The following KBTBD3 variants were observed in gnomAD, a reference collection of about 807,000 sequenced individuals.
KBTBD3 encodes the protein kelch repeat and BTB domain-containing protein 3.
In KBTBD3, 38 loss-of-function variants were observed where a neutral mutation model predicts 49.6. That is an observed-to-expected ratio of 0.77 (90% CI 0.59 to 1.00). The LOEUF (loss-of-function observed/expected upper bound fraction) is 1.00. Ranked by LOEUF, KBTBD3 falls within the 50% of genes least tolerant of loss-of-function variation. KBTBD3 has a pLI of 0.00. For synonymous variants in KBTBD3, 214 were observed against 250.4 expected (o/e 0.85, Z 1.37); for missense variants, 661 against 712.0 (o/e 0.93, Z 0.81).
chr11:106,053,807 C>T lies in KBTBD3; in HGVS notation c.882G>A (p.Glu294=). 1 of 1,613,864 alleles carries T rather than the reference C, an allele frequency of 6.2e-7. No individual in the cohort carries two copies. The highest frequency in any genetic ancestry group is 8.5e-7 in the Non-Finnish European group (1 of 1,179,888). ...LFPDARPSTT[E]KYIFIHKTEE... Reference sequence around the variant, plus strand: ...CAGTTTTGTGAATGAATATGTATTTCTCAGTTGTGGATGGTCGAGCATCAG... The same window carrying T: ...CAGTTTTGTGAATGAATATGTATTTTTCAGTTGTGGATGGTCGAGCATCAG... Residue 294 remains glutamate, a synonymous_variant, in exon 4 of 4, where the codon GAG becomes GAA. Transcript: ENST00000531837.
Position 106,052,953 on chromosome 11 carries a change from C to T in KBTBD3, c.1736G>A (p.Trp579Ter), listed in dbSNP as rs1860451761. The T allele has an allele frequency of 4.3e-6, 7 of 1,613,698 alleles. No individual in the cohort carries two copies. The highest frequency in any genetic ancestry group is 5.9e-6 in the Non-Finnish European group (7 of 1,179,720). The change falls in exon 4 of 4, where the codon TGG becomes TAG. Residue 579 changes from tryptophan (W) to a stop codon, truncating the protein, a stop_gained. Transcript: ENST00000531837. LOFTEE classifies it high-confidence loss of function. ...TCTAGGCATTGGTGAAACTTCTTCC[C>T]ATTCAGACCTGTTGCTGTGGTAGAC... ...VQVYHSNRSE[W>*]EEVSPMPRAL...
intron 2 of KBTBD3, among the ~76,000 whole-genome samples, chr11:106,069,772 T>G (rs1447856619): frequency 6.6e-6 from 1 of 152,026 alleles, no homozygotes; most frequent in Non-Finnish European, 1.5e-5. Flanking sequence ...ACTGTAAAAT[T>G]TATATGTAAT....
Position 106,053,454 on chromosome 11 carries a change from G to A in KBTBD3, c.1235C>T (p.Thr412Ile). The A allele has an allele frequency of 6.2e-7, 1 of 1,613,610 alleles. No individual in the cohort carries two copies. The change falls in exon 4 of 4, where the codon ACT (threonine) becomes ATT (isoleucine). Residue 412 changes from threonine to isoleucine, a missense_variant. Physicochemically the swap from Thr to Ile is moderately conservative, Grantham distance 89. Transcript: ENST00000531837. The stretch of plus-strand genomic sequence containing the variant: ...ACTTTTAATGTCCCGGGATCCTCTA[G>A]TTTTTCCACCTATGACAAATAATCT... Reference protein sequence around the residue: ...LDRLFVIGGKTRGSRDIKSLL... With the variant: ...LDRLFVIGGKIRGSRDIKSLL...
chr11:106,062,503 A>G (rs547337342), intron 2 of KBTBD3, among the ~76,000 whole-genome samples: 2 of 152,348 alleles, frequency 1.3e-5, no homozygotes, highest in African/African-American at 4.8e-5. Context: ...GCTGGCAAGC[A>G]TAAGACCCAA....
At chr11:106,068,436 C>T (rs1164844096) in intron 2 of KBTBD3, among the ~76,000 whole-genome samples, 2 of 152,130 alleles carry the variant, frequency 1.3e-5, no homozygotes, top group African/African-American at 4.8e-5. Context: ...TTAAAACATA[C>T]ATTGAACTGA....
intron 2 of KBTBD3, among the ~76,000 whole-genome samples, chr11:106,068,157 G>T (rs1377719908): frequency 6.6e-6 from 1 of 151,414 alleles, no homozygotes; most frequent in Non-Finnish European, 1.5e-5. Context: ...TATAGCTGGA[G>T]ACTTCAACAC....
rs1290853247 is a variant in KBTBD3, at chr11:106,053,154, T to C, written c.1535A>G (p.Tyr512Cys). ...IKAVPVNCTL[Y>C]ICDLSTYKVY... is the part of the protein sequence containing the mutation. The stretch of plus-strand genomic sequence containing the variant: ...CTTATAGGTGGAAAGGTCACATATA[T>C]ACAGTGTACAGTTTACTGGTACAGC... The change falls in exon 4 of 4, where the codon TAT becomes TGT. Residue 512 changes from tyrosine (Y) to cysteine (C), a missense_variant. Physicochemically the swap from Tyr to Cys is radical, Grantham distance 194. Transcript: ENST00000531837. The C allele has an allele frequency of 6.2e-7, 1 of 1,613,516 alleles. No homozygotes were observed. The highest frequency in any genetic ancestry group is 8.5e-7 in the Non-Finnish European group (1 of 1,179,668).
At chr11:106,065,992 G>C (rs1860804798) in intron 2 of KBTBD3, among the ~76,000 whole-genome samples, 1 of 150,418 alleles carries the variant, frequency 6.6e-6, no homozygotes, top group African/African-American at 2.4e-5. Flanking sequence ...CATCAGGTGG[G>C]GCCTAGAGGA....
At chr11:106,058,190 C>T (rs1860595145) in intron 3 of KBTBD3, 1 of 324,824 alleles carries the variant, frequency 3.1e-6, no homozygotes, top group Non-Finnish European at 5.5e-6. Flanking sequence ...TGAGACCATC[C>T]TGGCTAACAC....
chr11:106,053,470 C>T lies in KBTBD3; in HGVS notation c.1219G>A (p.Val407Ile). The part of the protein sequence containing the change: ...TSVMALDRLF[V>I]IGGKTRGSRD... ...GATCCTCTAGTTTTTCCACCTATGA[C>T]AAATAATCTATCGAGAGCCATAACT... The change falls in exon 4 of 4, where the codon GTC becomes ATC. Residue 407 changes from valine (V) to isoleucine (I), a missense_variant. Coordinates refer to ENST00000531837, the MANE Select transcript of KBTBD3 (RefSeq NM_198439.3). 1 of 1,613,638 alleles carries T rather than the reference C, an allele frequency of 6.2e-7. No homozygotes were observed. The highest frequency in any genetic ancestry group is 1.1e-5 in the South Asian group (1 of 91,052).
chr11:106,059,162 A>C (rs1860628960), intron 2 of KBTBD3, 53 bp from the exon 3 acceptor site: 1 of 1,048,116 alleles, frequency 9.5e-7, no homozygotes, highest in African/African-American at 1.7e-5. Context: ...CAAGTTTCAG[A>C]CTCCAAAATT....
At chr11:106,059,543 T>C (rs1860639367) in intron 2 of KBTBD3, among the ~76,000 whole-genome samples, 1 of 152,204 alleles carries the variant, frequency 6.6e-6, no homozygotes, top group South Asian at 2.1e-4. Context: ...ATGCTGATCT[T>C]GGACCATAGA....
chr11:106,071,264 A>G (rs1281986009), intron 2 of KBTBD3, among the ~76,000 whole-genome samples: 1 of 152,132 alleles, frequency 6.6e-6, no homozygotes, highest in Non-Finnish European at 1.5e-5. Flanking sequence ...ACTAAAGGAG[A>G]TACTTCCAAA....
At chr11:106,074,673 G>C (rs920781978) in intron 2 of KBTBD3, among the ~76,000 whole-genome samples, 2 of 152,208 alleles carry the variant, frequency 1.3e-5, no homozygotes, top group Non-Finnish European at 2.9e-5. Context: ...TTGGAAGAGA[G>C]TGCTCCCCTT....
chr11:106,057,041 C>G (rs375072753), intron 3 of KBTBD3, among the ~76,000 whole-genome samples: 78 of 152,270 alleles, frequency 5.1e-4, no homozygotes, highest in African/African-American at 1.8e-3. Context: ...ATTAGGCAAA[C>G]AGCTAGTTCA....
intron 2 of KBTBD3, among the ~76,000 whole-genome samples, chr11:106,067,391 G>C (rs1860830797): frequency 6.6e-6 from 1 of 152,142 alleles, no homozygotes; most frequent in African/African-American, 2.4e-5. Flanking sequence ...ATTACCTGAG[G>C]TCAGGAGTTC....
chr11:106,054,096 A>G lies in KBTBD3; in HGVS notation c.593T>C (p.Leu198Pro). 6.2e-7 allele frequency: 1 copy of G among 1,613,546 alleles called. No individual in the cohort carries two copies. Among genetic ancestry groups the G allele is most frequent in the Non-Finnish European group, 8.5e-7 (1 of 1,179,784 alleles). The change falls in exon 4 of 4, where the codon CTA becomes CCA. Residue 198 changes from leucine (L) to proline (P), a missense_variant. Physicochemically the swap from Leu to Pro is moderately conservative, Grantham distance 98 (BLOSUM62 -3). Coordinates refer to ENST00000531837, the MANE Select transcript of KBTBD3 (RefSeq NM_198439.3). ...SDFLEMNFGV[L>P]QKCLESDELN... Reference sequence around the variant, plus strand: ...TTCATCTGATTCCAGACATTTCTGTAGTACTCCAAAATTCATCTCTAAGAA... The same window carrying G: ...TTCATCTGATTCCAGACATTTCTGTGGTACTCCAAAATTCATCTCTAAGAA...
rs1225674525 is a variant in KBTBD3, at chr11:106,058,948, G to T, written c.150C>A (p.Val50=). ...SVLQNFREQN[V]FYDFKIIMKD... is the part of the protein sequence containing the mutation. ...TCATAATTATTTTGAAATCATAAAA[G>T]ACATTTTGTTCTCTAAAATTCTGTA... The change falls in exon 3 of 4, where the codon GTC becomes GTA. Residue 50 remains valine (V), a synonymous_variant. Coordinates refer to ENST00000531837, the MANE Select transcript of KBTBD3 (RefSeq NM_198439.3). 6.4e-7 allele frequency: 1 copy of T among 1,570,898 alleles called. No individual in the cohort carries two copies. The highest frequency in any genetic ancestry group is 8.6e-7 in the Non-Finnish European group (1 of 1,166,038).
Position 106,052,872 on chromosome 11 carries a change from C to T in KBTBD3, c.1817G>A (p.Trp606Ter). The change falls in exon 4 of 4, where the codon TGG becomes TAG. Residue 606 changes from tryptophan to a stop codon, truncating the protein, a stop_gained. Coordinates refer to ENST00000531837, the MANE Select transcript of KBTBD3 (RefSeq NM_198439.3). LOFTEE classifies it high-confidence loss of function. ...TGTTCAAGCACATAGATTAGAAAAC[C>T]ATGGGTCTCTGTATTTATTAAACTG... ...VIQFNKYRDP[W>*]FSNLCA is the part of the protein sequence containing the mutation. The T allele has an allele frequency of 6.2e-7, 1 of 1,612,290 alleles. No individual in the cohort carries two copies. Among genetic ancestry groups the T allele is most frequent in the South Asian group, 1.1e-5 (1 of 90,844 alleles).
Sources: allele counts gnomAD v4.1 joint callset (sites outside exome capture counted in the v4.1 genomes callset), GRCh38; gene constraint gnomAD v4.1.1; transcripts MANE v1.5; gene names NCBI Gene and HGNC (gene_info 2026-07-23, HGNC 2026-07-21).